Variants in CLYBL observed in about 807,000 individuals in gnomAD.
CLYBL encodes the protein citramalyl-CoA lyase.
CLYBL carries 31 observed loss-of-function variants against 38.9 expected under a neutral mutation model. The observed-to-expected ratio is 0.80, with a 90% CI of 0.60 to 1.08. The LOEUF is 1.08. Ranked by LOEUF, CLYBL falls within the 50% of genes least tolerant of loss-of-function variation. The pLI is 0.00. For missense variants in CLYBL, 434 were observed against 411.6 expected, an observed-to-expected ratio of 1.05 and a Z score of -0.47; for synonymous variants, 171 against 158.6, an observed-to-expected ratio of 1.08 and a Z score of -0.59.
intron 1 of CLYBL, among the ~76,000 whole-genome samples, chr13:99,673,969 CTG>C (rs1253064236): frequency 6.6e-6 from 1 of 152,120 alleles, no homozygotes; most frequent in East Asian, 1.9e-4. Flanking sequence ...TCAAGGATGA[CTG>C]TCAAGGTTTT....
chr13:99,656,448 G>GTA (rs1194733041), intron 1 of CLYBL, among the ~76,000 whole-genome samples: 5 of 152,052 alleles, frequency 3.3e-5, no homozygotes, highest in Non-Finnish European at 7.4e-5. Context: ...CTACAGATAG[G>GTA]TATATATATA....
chr13:99,648,159 A>C (rs1159311822), intron 1 of CLYBL, among the ~76,000 whole-genome samples: 1 of 152,132 alleles, frequency 6.6e-6, no homozygotes, highest in Non-Finnish European at 1.5e-5. Flanking sequence ...GGGGGGAAAA[A>C]TCCTTTTTAA....
intron 2 of CLYBL, among the ~76,000 whole-genome samples, chr13:99,833,342 G>C (rs889741009): frequency 2.0e-5 from 3 of 151,646 alleles, no homozygotes; most frequent in African/African-American, 7.3e-5. Flanking sequence ...TGCCCGGCCA[G>C]TAGTTTATAT....
At chr13:99,610,869 A>C (rs1042000237) in intron 1 of CLYBL, among the ~76,000 whole-genome samples, 1 of 152,202 alleles carries the variant, frequency 6.6e-6, no homozygotes, top group East Asian at 1.9e-4. Context: ...TTCCATCTCA[A>C]GTAGCTGTGA....
At chr13:99,777,713 G>A (rs1443265451) in intron 2 of CLYBL, among the ~76,000 whole-genome samples, 1 of 151,160 alleles carries the variant, frequency 6.6e-6, no homozygotes, top group Non-Finnish European at 1.5e-5. Context: ...GGCTGGTCTC[G>A]AACTCCTGAC....
At chr13:99,624,950 C>G (rs554439496) in intron 1 of CLYBL, among the ~76,000 whole-genome samples, 1 of 152,212 alleles carries the variant, frequency 6.6e-6, no homozygotes, top group Non-Finnish European at 1.5e-5. Flanking sequence ...TTCCCCAACT[C>G]TCATCCTTCC....
At chr13:99,757,360 G>A (rs1246395828) in intron 1 of CLYBL, among the ~76,000 whole-genome samples, 2 of 152,118 alleles carry the variant, frequency 1.3e-5, no homozygotes, top group African/African-American at 2.4e-5. Context: ...AAAATTTCTT[G>A]CATTAAGACA....
At chr13:99,755,821 G>A (rs565081334) in intron 1 of CLYBL, among the ~76,000 whole-genome samples, 10 of 152,262 alleles carry the variant, frequency 6.6e-5, no homozygotes, top group Middle Eastern at 3.4e-3. Context: ...CTGGGATGGG[G>A]GAGTAGACCA....
At chr13:99,661,885 G>C (rs923508764) in intron 1 of CLYBL, among the ~76,000 whole-genome samples, 1 of 152,152 alleles carries the variant, frequency 6.6e-6, no homozygotes, top group African/African-American at 2.4e-5. Flanking sequence ...GAGCACAATA[G>C]CCTGTCAGCC....
intron 1 of CLYBL, among the ~76,000 whole-genome samples, chr13:99,616,043 C>T (rs2046704101): frequency 6.6e-6 from 1 of 151,288 alleles, no homozygotes; most frequent in Non-Finnish European, 1.5e-5. Flanking sequence ...GATGGGGTTT[C>T]ACCATGTTGG....
At chr13:99,726,847 G>C (rs963128373) in intron 1 of CLYBL, among the ~76,000 whole-genome samples, 2 of 152,214 alleles carry the variant, frequency 1.3e-5, no homozygotes, top group East Asian at 3.9e-4. Flanking sequence ...CAAAAAAGGC[G>C]TGCAAGGATG....
At chr13:99,729,083 A>G (rs2048535154) in intron 1 of CLYBL, among the ~76,000 whole-genome samples, 1 of 152,236 alleles carries the variant, frequency 6.6e-6, no homozygotes, top group Non-Finnish European at 1.5e-5. Context: ...TCTCCTTCCC[A>G]GAGATCAGGA....
intron 7 of CLYBL, among the ~76,000 whole-genome samples, chr13:99,883,147 C>G (rs1296080157): frequency 6.6e-6 from 1 of 152,136 alleles, no homozygotes; most frequent in Non-Finnish European, 1.5e-5. Flanking sequence ...GAACAGGAAC[C>G]CCACCGGGTT....
intron 2 of CLYBL, among the ~76,000 whole-genome samples, chr13:99,852,128 G>C (rs1209748192): frequency 6.6e-6 from 1 of 152,198 alleles, no homozygotes; most frequent in Non-Finnish European, 1.5e-5. Context: ...TCCAGAATAA[G>C]CAAATCTATA....
chr13:99,644,896 C>CA (rs1364497567), intron 1 of CLYBL, among the ~76,000 whole-genome samples: 1 of 152,212 alleles, frequency 6.6e-6, no homozygotes, highest in Non-Finnish European at 1.5e-5. Flanking sequence ...ATATGTACCA[C>CA]AATTTCTTGA....
In CLYBL at chr13:99,613,685, G is replaced by A. The variant is rs369769640; in HGVS notation, c.62+6928G>A. On this transcript the variant is annotated intron_variant, in intron 1 of 8. Coordinates refer to ENST00000339105, the MANE Select transcript of CLYBL (RefSeq NM_206808.5). ...GAAACCTCACTGAAAAGGAGGCAGGGTAAACATGACTGAGATGGAAAAATG... is the reference window on the plus strand; with the variant it reads ...GAAACCTCACTGAAAAGGAGGCAGGATAAACATGACTGAGATGGAAAAATG... Among the ~76,000 whole-genome samples the A allele has an allele frequency of 7.1e-4, 100 of 140,680 alleles. 2 individuals are homozygous for A. The highest frequency in any genetic ancestry group is 2.3e-3 in the African/African-American group (94 of 41,170). 92.3% of individuals were successfully genotyped at this position (140,680 alleles called of 152,430 possible).
chr13:99,737,521 A>G (rs2048687069), intron 1 of CLYBL, among the ~76,000 whole-genome samples: 1 of 152,150 alleles, frequency 6.6e-6, no homozygotes, highest in Non-Finnish European at 1.5e-5. Flanking sequence ...CTTCACTGTT[A>G]GGCTTTCCTT....
At chr13:99,715,341 C>A (rs894983196) in intron 1 of CLYBL, among the ~76,000 whole-genome samples, 1 of 152,090 alleles carries the variant, frequency 6.6e-6, no homozygotes, top group African/African-American at 2.4e-5. Flanking sequence ...GATTTACTTC[C>A]TTTGCCCTTT....
At chr13:99,818,690 C>T (rs2050511607) in intron 2 of CLYBL, among the ~76,000 whole-genome samples, 1 of 152,152 alleles carries the variant, frequency 6.6e-6, no homozygotes, top group Admixed American at 6.5e-5. Flanking sequence ...TCACTTAATC[C>T]ACTTGAGATT....
Sources: gnomAD v4.1 joint callset for allele counts (sites outside exome capture counted in the v4.1 genomes callset) on GRCh38, gnomAD v4.1.1 for gene constraint, MANE v1.5 for transcripts, NCBI Gene and HGNC (gene_info 2026-07-23, HGNC 2026-07-21) for gene names.